The following MOB3B variants were observed in gnomAD, a reference collection of about 807,000 sequenced individuals.
The protein encoded by MOB3B is MOB kinase activator-like 2B.
A neutral mutation model predicts 18.7 loss-of-function variants in MOB3B; 7 were observed. The observed-to-expected ratio is 0.37, with a 90% confidence interval of 0.21 to 0.70. The LOEUF (loss-of-function observed/expected upper bound fraction) is 0.70, where lower values mean the gene tolerates loss of function less well. Among genes scored for constraint, MOB3B ranks in the 30% least tolerant of loss-of-function variants. The pLI, the probability that MOB3B is intolerant of heterozygous loss-of-function variation, is 0.52. For synonymous variants in MOB3B, 111 were observed against 99.9 expected (o/e 1.11, Z -0.66); for missense variants, 253 against 281.3 (o/e 0.90, Z 0.72).
At chr9:27,361,853 A>G (rs1414161078) in intron 2 of MOB3B, among the ~76,000 whole-genome samples, 1 of 152,136 alleles carries the variant, frequency 6.6e-6, no homozygotes, top group Non-Finnish European at 1.5e-5. Flanking sequence ...GGGCAGCTCA[A>G]ACTCCCTCAA....
chr9:27,405,411 AT>A (rs1821952713), intron 2 of MOB3B, among the ~76,000 whole-genome samples: 1 of 151,958 alleles, frequency 6.6e-6, no homozygotes, highest in African/African-American at 2.4e-5. Context: ...CAACCTGTCC[AT>A]TTTTTAAATG....
rs114099889 is a variant in MOB3B, at chr9:27,474,209, A to G, written c.-198-18461T>C. Among the ~76,000 whole-genome samples the G allele has an allele frequency of 9.2e-3, 1,394 of 152,340 alleles. 28 individuals are homozygous for G. Among genetic ancestry groups the G allele is most frequent in the African/African-American group, 0.032 (1,323 of 41,578 alleles). Reference sequence around the variant, plus strand: ...ATAAAGCCTTGTATGGGAAGGAGATAAAGTAATAGTGATAATAATTTATAT... The same window carrying G: ...ATAAAGCCTTGTATGGGAAGGAGATGAAGTAATAGTGATAATAATTTATAT... On this transcript the variant is annotated intron_variant, in intron 1 of 3. Transcript: ENST00000262244.
intron 3 of MOB3B, among the ~76,000 whole-genome samples, chr9:27,335,947 T>C (rs1277734108): frequency 2.6e-5 from 4 of 152,132 alleles, no homozygotes; most frequent in Non-Finnish European, 4.4e-5. Context: ...ACCTGGCACA[T>C]ACTAGGTGCT....
At chr9:27,338,377 T>C (rs1045500105) in intron 3 of MOB3B, among the ~76,000 whole-genome samples, 6 of 152,030 alleles carry the variant, frequency 3.9e-5, no homozygotes, top group Admixed American at 1.3e-4. Context: ...CTGGGTGTGA[T>C]GAAAGAGAGA....
chr9:27,359,388 G>A (rs1034571325), intron 2 of MOB3B, 152 bp from the exon 3 acceptor site: 3 of 600,280 alleles, frequency 5.0e-6, no homozygotes, highest in South Asian at 2.0e-5. Context: ...TGGGGGGGGG[G>A]GGTTGGTAGC....
chr9:27,386,181 T>G (rs371842040), intron 2 of MOB3B, among the ~76,000 whole-genome samples: 1 of 152,236 alleles, frequency 6.6e-6, no homozygotes, highest in Non-Finnish European at 1.5e-5. Context: ...CATTTGTGAC[T>G]TTGGGCAGCC....
At chr9:27,335,996 A>C (rs954171618) in intron 3 of MOB3B, among the ~76,000 whole-genome samples, 1 of 152,234 alleles carries the variant, frequency 6.6e-6, no homozygotes, top group African/African-American at 2.4e-5. Flanking sequence ...AATGAAAAGG[A>C]ACACTTATTA....
At chr9:27,490,854 G>T (rs1213842074) in intron 1 of MOB3B, among the ~76,000 whole-genome samples, 3 of 152,036 alleles carry the variant, frequency 2.0e-5, no homozygotes, top group Non-Finnish European at 4.4e-5. Context: ...AGGCACAATG[G>T]GTAGCTTAAA....
chr9:27,491,655 C>A (rs1367186312), intron 1 of MOB3B, among the ~76,000 whole-genome samples: 1 of 152,136 alleles, frequency 6.6e-6, no homozygotes, highest in Non-Finnish European at 1.5e-5. Context: ...AGGCAGATCA[C>A]AAGGTCAGGA....
chr9:27,348,824 G>A (rs543391870), intron 3 of MOB3B, among the ~76,000 whole-genome samples: 4 of 152,310 alleles, frequency 2.6e-5, no homozygotes, highest in African/African-American at 9.6e-5. Context: ...TGCCCTCTCT[G>A]ATATCAGGGC....
At chr9:27,398,102 A>G (rs1821827781) in intron 2 of MOB3B, among the ~76,000 whole-genome samples, 2 of 152,244 alleles carry the variant, frequency 1.3e-5, no homozygotes, top group Non-Finnish European at 2.9e-5. Flanking sequence ...ACCTCAGTAG[A>G]AATTAAAGCA....
intron 2 of MOB3B, among the ~76,000 whole-genome samples, chr9:27,423,042 T>C (rs1215002443): frequency 6.6e-6 from 1 of 152,158 alleles, no homozygotes; most frequent in African/African-American, 2.4e-5. Context: ...GCTTTACTTA[T>C]GGGTCCACAT....
At chr9:27,382,927 T>A (rs886804932) in intron 2 of MOB3B, among the ~76,000 whole-genome samples, 1 of 152,024 alleles carries the variant, frequency 6.6e-6, no homozygotes. Context: ...GTTAAAGATA[T>A]GAATGATGAA....
intron 2 of MOB3B, among the ~76,000 whole-genome samples, chr9:27,409,820 C>G (rs1161948112): frequency 6.6e-6 from 1 of 151,172 alleles, no homozygotes; most frequent in African/African-American, 2.4e-5. Flanking sequence ...ATAAGCCAGA[C>G]AGAGAAGGAC....
At chr9:27,497,205 G>A (rs1040320642) in intron 1 of MOB3B, among the ~76,000 whole-genome samples, 2 of 152,130 alleles carry the variant, frequency 1.3e-5, no homozygotes, top group Non-Finnish European at 2.9e-5. Context: ...TTACTTTAAA[G>A]GCCAACTACC....
At chr9:27,377,115 TAATG>T (rs1175294079) in intron 2 of MOB3B, among the ~76,000 whole-genome samples, 1 of 152,214 alleles carries the variant, frequency 6.6e-6, no homozygotes, top group Non-Finnish European at 1.5e-5. Context: ...AAAGGGAAAA[TAATG>T]AATGGTATTT....
chr9:27,415,033 T>C (rs1822124602), intron 2 of MOB3B, among the ~76,000 whole-genome samples: 1 of 152,002 alleles, frequency 6.6e-6, no homozygotes, highest in Non-Finnish European at 1.5e-5. Context: ...GGCTAATTTT[T>C]GTATTTTTAG....
At chr9:27,488,280 C>T (rs187662611) in intron 1 of MOB3B, among the ~76,000 whole-genome samples, 11 of 152,310 alleles carry the variant, frequency 7.2e-5, no homozygotes, top group Non-Finnish European at 1.3e-4. Flanking sequence ...GCAAGGGTAA[C>T]GGTAACTCAG....
intron 2 of MOB3B, among the ~76,000 whole-genome samples, chr9:27,447,572 G>C (rs191751001): frequency 6.6e-6 from 1 of 152,168 alleles, no homozygotes; most frequent in Admixed American, 6.5e-5. Context: ...GTGCAGGTCC[G>C]GACAGCAGGT....
Sources: allele counts gnomAD v4.1 joint callset (sites outside exome capture counted in the v4.1 genomes callset), GRCh38; gene constraint gnomAD v4.1.1; transcripts MANE v1.5; gene names NCBI Gene and HGNC (gene_info 2026-07-23, HGNC 2026-07-21).